The following PARG variants were observed in gnomAD, a reference collection of about 807,000 sequenced individuals.
The protein encoded by PARG is poly(ADP-ribose) glycohydrolase.
PARG carries 35 observed loss-of-function variants against 113.0 expected under a neutral mutation model. The observed-to-expected ratio is 0.31, with a 90% CI of 0.24 to 0.41. The LOEUF (loss-of-function observed/expected upper bound fraction) is 0.41. Ranked by LOEUF, PARG falls within the 10% of genes least tolerant of loss-of-function variation. The pLI, the probability that PARG is intolerant of heterozygous loss-of-function variation, is 1.00. For missense variants in PARG, 797 were observed against 1,169.4 expected (o/e 0.68, Z 4.64); for synonymous variants, 330 against 409.9 (o/e 0.81, Z 2.36).
At chr10:49,837,293 G>A (rs1844987145) in intron 15 of PARG, among the ~76,000 whole-genome samples, 1 of 151,896 alleles carries the variant, frequency 6.6e-6, no homozygotes, top group South Asian at 2.1e-4. Flanking sequence ...AGAGGTCAGA[G>A]ATCCATACTG....
chr10:49,849,551 A>C (rs1458759208), intron 13 of PARG, among the ~76,000 whole-genome samples: 15 of 152,230 alleles, frequency 9.9e-5, no homozygotes, highest in African/African-American at 3.6e-4. Context: ...AAAAACAATG[A>C]AAACTTAAAC....
At chr10:49,830,070 T>G (rs1383472097) in intron 16 of PARG, among the ~76,000 whole-genome samples, 5 of 152,124 alleles carry the variant, frequency 3.3e-5, no homozygotes, top group Admixed American at 3.3e-4. Flanking sequence ...AGGAAATGAA[T>G]TATATAATGG....
rs77944289 is a variant in PARG, at chr10:49,832,453, A to T, written c.2647+350T>A. 8.0e-3 allele frequency among the ~76,000 whole-genome samples: 1,225 copies of T among 152,334 alleles called. 12 individuals are homozygous for T. Among genetic ancestry groups the T allele is most frequent in the African/African-American group, 0.028 (1,145 of 41,558 alleles). ...AGGTGCTATTAAATTTGGTGGATGA[A>T]TGAGTCTGTGAAATAACTGTCCATA... On this transcript the variant is annotated intron_variant, in intron 16 of 17. Coordinates refer to ENST00000616448, the MANE Select transcript of PARG (RefSeq NM_003631.5).
intron 7 of PARG, among the ~76,000 whole-genome samples, chr10:49,912,743 T>C (rs1837268270): frequency 6.6e-6 from 1 of 152,148 alleles, no homozygotes; most frequent in East Asian, 1.9e-4. Context: ...GGAGCGAAGA[T>C]TGCTTGAGCC....
chr10:49,932,811 G>A (rs1451535322), intron 3 of PARG, among the ~76,000 whole-genome samples: 16 of 150,396 alleles, frequency 1.1e-4, no homozygotes, highest in African/African-American at 3.7e-4. Flanking sequence ...TGCCTGTCAC[G>A]GCATTAAACA....
chr10:49,933,315 C>A lies in PARG; in HGVS notation c.1133G>T (p.Gly378Val). ...TAGTTTAGCATTTAAATCATTCATT[C>A]CAGTGCGACTCTCTCCTCCTTCAAA... ...FQFEGGESRTGMNDLNAKLPG... is the reference protein window; with the variant it reads ...FQFEGGESRTVMNDLNAKLPG... Residue 378 changes from glycine to valine, a missense_variant, in exon 3 of 18, where the codon GGA (glycine) becomes GTA (valine). This residue lies in a region of PARG where 252 missense variants were observed against 437.4 expected (regional missense o/e 0.58). Transcript: ENST00000616448. 6.2e-7 allele frequency: 1 copy of A among 1,611,050 alleles called. No individual in the cohort carries two copies. Among genetic ancestry groups the A allele is most frequent in the Admixed American group, 1.7e-5 (1 of 59,888 alleles).
chr10:49,893,710 T>C (rs1554842059), intron 7 of PARG, among the ~76,000 whole-genome samples: 1 of 151,870 alleles, frequency 6.6e-6, no homozygotes, highest in Non-Finnish European at 1.5e-5. Flanking sequence ...TTCCTTTTTT[T>C]TGAGATGGAG....
chr10:49,820,070 G>A (rs901295033), intron 17 of PARG, 95 bp downstream of exon 17: 6 of 828,602 alleles, frequency 7.2e-6, no homozygotes, highest in African/African-American at 3.4e-5. Flanking sequence ...TTGTTTCTTC[G>A]TACCCACTGT....
intron 6 of PARG, 89 bp from the exon 7 acceptor site, chr10:49,916,080 A>G: frequency 1.4e-6 from 1 of 732,562 alleles, no homozygotes. Flanking sequence ...TACCTCCAGT[A>G]CATTTCATAA....
At chr10:49,882,073 C>T (rs1354279499) in intron 8 of PARG, among the ~76,000 whole-genome samples, 2 of 152,106 alleles carry the variant, frequency 1.3e-5, no homozygotes, top group African/African-American at 4.8e-5. Flanking sequence ...GATTAATGGA[C>T]TTCAAACACA....
intron 13 of PARG, among the ~76,000 whole-genome samples, chr10:49,846,022 G>A (rs1405494103): frequency 6.6e-6 from 1 of 151,364 alleles, no homozygotes; most frequent in African/African-American, 2.4e-5. Context: ...ACTGGGGGCT[G>A]TAGCCTAGCT....
chr10:49,906,820 A>T (rs1254579775), intron 7 of PARG, among the ~76,000 whole-genome samples: 1 of 152,208 alleles, frequency 6.6e-6, no homozygotes, highest in Non-Finnish European at 1.5e-5. Context: ...AGAAGAGGTG[A>T]GTCTGGGATG....
At chr10:49,843,078 T>A (rs986808143) in intron 14 of PARG, among the ~76,000 whole-genome samples, 1 of 152,184 alleles carries the variant, frequency 6.6e-6, no homozygotes, top group Non-Finnish European at 1.5e-5. Flanking sequence ...CAAGAAGATA[T>A]AGGAGACAAA....
At chr10:49,820,905 A>G (rs1429390806) in intron 16 of PARG, among the ~76,000 whole-genome samples, 2 of 152,138 alleles carry the variant, frequency 1.3e-5, no homozygotes, top group Non-Finnish European at 2.9e-5. Flanking sequence ...ATTCGCTTCT[A>G]TTAATCTGGA....
intron 6 of PARG, among the ~76,000 whole-genome samples, chr10:49,920,543 C>CAT (rs1228344132): frequency 1.4e-4 from 18 of 128,674 alleles, no homozygotes; most frequent in African/African-American, 5.2e-4. Context: ...TATATATACA[C>CAT]ATATATATAC....
At chr10:49,889,676 T>C (rs1468097590) in intron 7 of PARG, among the ~76,000 whole-genome samples, 1 of 152,242 alleles carries the variant, frequency 6.6e-6, no homozygotes, top group African/African-American at 2.4e-5. Flanking sequence ...CCTAAAGATA[T>C]TAAACCTTAA....
chr10:49,935,167 A>G (rs1206975072), intron 1 of PARG, 25 bp from the exon 2 acceptor site: 1 of 708,850 alleles, frequency 1.4e-6, no homozygotes, highest in African/African-American at 1.8e-5. Flanking sequence ...GTATATTCAT[A>G]CATTCCTTCA....
intron 13 of PARG, among the ~76,000 whole-genome samples, chr10:49,845,112 AC>A (rs1204646867): frequency 6.6e-6 from 1 of 152,236 alleles, no homozygotes; most frequent in East Asian, 1.9e-4. Context: ...GAATGACAAC[AC>A]TAAATGTTGA....
At chr10:49,934,338 T>A (rs1838639329) in intron 2 of PARG, among the ~76,000 whole-genome samples, 175 bp from the exon 3 acceptor site, 1 of 152,122 alleles carries the variant, frequency 6.6e-6, no homozygotes, top group Admixed American at 6.6e-5. Flanking sequence ...CCTGCAGCTG[T>A]GTGTCTGGCA....
Sources: allele counts gnomAD v4.1 joint callset (sites outside exome capture counted in the v4.1 genomes callset), GRCh38; gene constraint gnomAD v4.1.1; regional missense constraint gnomAD v4.1.1; transcripts MANE v1.5; gene names NCBI Gene and HGNC (gene_info 2026-07-23, HGNC 2026-07-21).